Variants in HOMER1 observed in about 807,000 individuals in gnomAD.
HOMER1 encodes homer protein homolog 1.
HOMER1 carries 3 observed loss-of-function variants against 48.9 expected under a neutral mutation model. That is an observed-to-expected ratio of 0.06 (90% CI 0.03 to 0.16). The LOEUF (loss-of-function observed/expected upper bound fraction) is 0.16. HOMER1 is among the 10% of genes least tolerant of loss of function. The pLI, the probability that HOMER1 is intolerant of heterozygous loss-of-function variation, is 1.00. For missense variants in HOMER1, 247 were observed against 411.4 expected, an observed-to-expected ratio of 0.60 and a Z score of 3.46; for synonymous variants, 134 against 146.4, an observed-to-expected ratio of 0.92 and a Z score of 0.61.
chr5:79,457,411 A>G (rs141016112), intron 1 of HOMER1, among the ~76,000 whole-genome samples: 2 of 152,146 alleles, frequency 1.3e-5, no homozygotes, highest in Admixed American at 6.5e-5. Flanking sequence ...TTCTCATACT[A>G]CATTTACAAG....
intron 5 of HOMER1, among the ~76,000 whole-genome samples, chr5:79,428,722 C>T (rs1213537287): frequency 3.9e-5 from 6 of 151,940 alleles, no homozygotes; most frequent in Admixed American, 2.6e-4. Flanking sequence ...ATACATTTAA[C>T]AAAAGAAGAA....
chr5:79,480,482 T>C (rs997050094), intron 1 of HOMER1, among the ~76,000 whole-genome samples: 6 of 152,324 alleles, frequency 3.9e-5, no homozygotes, highest in East Asian at 3.9e-4. Flanking sequence ...TCACTACTTA[T>C]AGAAACTAAA....
At chr5:79,471,436 C>T (rs1317737040) in intron 1 of HOMER1, among the ~76,000 whole-genome samples, 1 of 151,062 alleles carries the variant, frequency 6.6e-6, no homozygotes, top group Non-Finnish European at 1.5e-5. Flanking sequence ...ATCCCAGCTA[C>T]TCAGGAAGCT....
At chr5:79,459,099 C>G (rs1373179818) in intron 1 of HOMER1, among the ~76,000 whole-genome samples, 1 of 152,142 alleles carries the variant, frequency 6.6e-6, no homozygotes, top group Admixed American at 6.5e-5. Context: ...AACTCGATTA[C>G]TTGATTTTTT....
In HOMER1 at chr5:79,374,283, T is replaced by C. The variant is rs925383069; in HGVS notation, c.*1726A>G. 7.2e-5 allele frequency: 11 copies of C among 152,544 alleles called. No homozygotes were observed. The highest frequency in any genetic ancestry group is 2.6e-4 in the African/African-American group (11 of 41,554). 9.4% of individuals were successfully genotyped at this position (152,544 alleles called of 1,614,324 possible). A position where few individuals can be genotyped will look rare whatever the true frequency, so the allele number is the denominator to read the frequency against. ...GAAAATATCCTAAAATAGATGGAGG[T>C]AACGTACATGATGTTACAGCACATA... On this transcript the variant is annotated 3_prime_UTR_variant, in exon 9 of 9. Coordinates refer to ENST00000334082, the MANE Select transcript of HOMER1 (RefSeq NM_004272.5).
chr5:79,385,559 T>A (rs1287945172), intron 8 of HOMER1, among the ~76,000 whole-genome samples: 1 of 152,088 alleles, frequency 6.6e-6, no homozygotes, highest in East Asian at 1.9e-4. Flanking sequence ...TATCATCTTA[T>A]GGCCAGGTGC....
chr5:79,420,484 C>T (rs184914707), intron 5 of HOMER1, among the ~76,000 whole-genome samples: 7 of 152,296 alleles, frequency 4.6e-5, no homozygotes, highest in East Asian at 1.9e-4. Flanking sequence ...GCCATACCAC[C>T]GCCTGCCCTC....
chr5:79,475,723 G>A (rs1441087449), intron 1 of HOMER1, among the ~76,000 whole-genome samples: 2 of 152,066 alleles, frequency 1.3e-5, no homozygotes, highest in African/African-American at 4.8e-5. Context: ...ATTTTCCCTT[G>A]CAGAAGGAAG....
intron 7 of HOMER1, 109 bp from the exon 8 acceptor site, chr5:79,397,012 A>C (rs1749403755): frequency 1.6e-6 from 1 of 620,496 alleles, no homozygotes; most frequent in South Asian, 2.1e-5. Flanking sequence ...ATGATTTTAA[A>C]AACATTCCTT....
chr5:79,420,892 C>T (rs1750079121), intron 5 of HOMER1, among the ~76,000 whole-genome samples: 1 of 152,132 alleles, frequency 6.6e-6, no homozygotes, highest in African/African-American at 2.4e-5. Flanking sequence ...GGACCTATGC[C>T]AAAGAGTTGC....
At chr5:79,452,520 G>T (rs1273912554) in intron 2 of HOMER1, among the ~76,000 whole-genome samples, 2 of 152,144 alleles carry the variant, frequency 1.3e-5, no homozygotes, top group African/African-American at 4.8e-5. Context: ...CTTAAATGTG[G>T]AATGATACAT....
intron 5 of HOMER1, among the ~76,000 whole-genome samples, chr5:79,406,446 A>T (rs1457300916): frequency 6.6e-6 from 1 of 152,228 alleles, no homozygotes; most frequent in African/African-American, 2.4e-5. Flanking sequence ...CCAGAGATAC[A>T]AAAGGGAATT....
intron 8 of HOMER1, among the ~76,000 whole-genome samples, chr5:79,381,266 T>C (rs1748964084): frequency 6.6e-6 from 1 of 152,164 alleles, no homozygotes; most frequent in African/African-American, 2.4e-5. Flanking sequence ...AAAGAAATCA[T>C]ACAGAGACCA....
Position 79,439,132 on chromosome 5 carries a change from A to G in HOMER1, c.405T>C (p.Asp135=), listed in dbSNP as rs773344147. Residue 135 remains aspartate (D), a synonymous_variant, in exon 5 of 9, where the codon GAT becomes GAC. Coordinates refer to ENST00000334082, the MANE Select transcript of HOMER1 (RefSeq NM_004272.5). ...TTTCCGGTGTTAAAGGAGACTGAAG[A>G]TCCCCGCCTGCGGATTCCTTTAAAA... ...STPSQESAGG[D]LQSPLTPESI... The G allele has an allele frequency of 3.4e-5, 55 of 1,613,836 alleles. No homozygotes were observed. Among genetic ancestry groups the G allele is most frequent in the Non-Finnish European group, 4.5e-5 (53 of 1,179,972 alleles).
chr5:79,422,236 A>T (rs562404915), intron 5 of HOMER1, among the ~76,000 whole-genome samples: 99 of 127,830 alleles, frequency 7.7e-4, no homozygotes, highest in Admixed American at 1.3e-3. Context: ...CAAAAAAATT[A>T]AAAAAAAAAA....
At chr5:79,464,809 A>C (rs1416136922) in intron 1 of HOMER1, among the ~76,000 whole-genome samples, 1 of 152,220 alleles carries the variant, frequency 6.6e-6, no homozygotes, top group African/African-American at 2.4e-5. Context: ...TTGCTTATAC[A>C]TACAATGTTC....
rs1752032400 is a variant in HOMER1 at position 79,484,200 on chromosome 5, A to G, written c.6-27182T>C. On this transcript the variant is annotated intron_variant, in intron 1 of 8. Transcript: ENST00000334082. ...AAAGGTAGACTGTGATAAGTTAAAG[A>G]TGTATACTATAAACCCTAAAGAATC... 3.9e-5 allele frequency among the ~76,000 whole-genome samples: 6 copies of G among 152,182 alleles called. 1 individual carries two copies. The South Asian group carries it at 1.2e-3, about 31-fold the overall frequency.
intron 1 of HOMER1, among the ~76,000 whole-genome samples, chr5:79,511,824 A>G (rs941609730): frequency 3.3e-5 from 5 of 152,226 alleles, no homozygotes; most frequent in Admixed American, 2.0e-4. Context: ...TGAATTGCAG[A>G]GTCCATTCTT....
intron 4 of HOMER1, among the ~76,000 whole-genome samples, chr5:79,444,181 G>C (rs1750814207): frequency 6.6e-6 from 1 of 152,176 alleles, no homozygotes; most frequent in Non-Finnish European, 1.5e-5. Flanking sequence ...TGAGAATCAA[G>C]TAGGGTAGGT....
Sources: allele counts gnomAD v4.1 joint callset (sites outside exome capture counted in the v4.1 genomes callset), GRCh38; gene constraint gnomAD v4.1.1; transcripts MANE v1.5; gene names NCBI Gene and HGNC (gene_info 2026-07-23, HGNC 2026-07-21).